MYO3A: variants seen among roughly 807,000 people sequenced by gnomAD.
MYO3A encodes myosin-IIIa.
MYO3A carries 180 observed loss-of-function variants against 192.7 expected under a neutral mutation model. The observed-to-expected ratio is 0.93, with a 90% CI of 0.83 to 1.06. The LOEUF (loss-of-function observed/expected upper bound fraction) is 1.06, where lower values mean the gene tolerates loss of function less well. Ranked by LOEUF, MYO3A falls within the 50% of genes least tolerant of loss-of-function variation. MYO3A has a pLI of 0.00. For missense variants in MYO3A, 1,896 were observed against 1,905.0 expected, an observed-to-expected ratio of 1.00 and a Z score of 0.09; for synonymous variants, 628 against 645.3, an observed-to-expected ratio of 0.97 and a Z score of 0.41.
At chr10:26,176,314 G>GAAAGA (rs1842331495) in intron 30 of MYO3A, among the ~76,000 whole-genome samples, 1 of 151,874 alleles carries the variant, frequency 6.6e-6, no homozygotes, top group African/African-American at 2.4e-5. Context: ...AAAAAGACTG[G>GAAAGA]AAAGAAAAGG....
rs1365441669 is a variant in MYO3A at position 26,137,496 on chromosome 10, G to C, written c.2263-5952G>C. The stretch of plus-strand genomic sequence containing the variant: ...GACCACTGTAATAATTGTGTTGACT[G>C]TACAAATTGATTGTAAAACGTGTGT... On this transcript the variant is annotated intron_variant, in intron 20 of 34. Transcript: ENST00000642920. Among the ~76,000 whole-genome samples, 3 of 152,268 alleles carry C rather than the reference G, an allele frequency of 2.0e-5. No homozygotes were observed. In the South Asian group the frequency reaches 6.2e-4, roughly 32 times the overall value.
intron 17 of MYO3A, among the ~76,000 whole-genome samples, chr10:26,117,303 GA>G (rs1838569467): frequency 6.6e-6 from 1 of 151,954 alleles, no homozygotes; most frequent in African/African-American, 2.4e-5. Context: ...CATCCTTATC[GA>G]GGGTAAAAAA....
chr10:26,017,926 A>G (rs1369433210), intron 7 of MYO3A, among the ~76,000 whole-genome samples: 1 of 150,716 alleles, frequency 6.6e-6, no homozygotes, highest in Non-Finnish European at 1.5e-5. Context: ...TACAAAAATG[A>G]GAAGTTAATA....
intron 6 of MYO3A, among the ~76,000 whole-genome samples, chr10:26,015,208 C>T (rs543944527): frequency 1.3e-5 from 2 of 152,236 alleles, no homozygotes; most frequent in South Asian, 2.1e-4. Context: ...TCTGTTCAGC[C>T]TTGGTCCTTT....
At chr10:26,120,607 C>G in intron 17 of MYO3A, 69 bp from the exon 18 acceptor site, 1 of 1,605,592 alleles carries the variant, frequency 6.2e-7, no homozygotes, top group Non-Finnish European at 8.5e-7. Flanking sequence ...CAGTCTGTCC[C>G]CAGCCATAGT....
At chr10:26,130,174 G>A (rs188978662) in intron 20 of MYO3A, among the ~76,000 whole-genome samples, 169 of 151,708 alleles carry the variant, frequency 1.1e-3, no homozygotes, top group African/African-American at 3.9e-3. Context: ...GGGTGGTGTT[G>A]GCTGACTGCA....
chr10:26,022,530 T>C (rs1022746036), intron 8 of MYO3A: 2 of 152,204 alleles, frequency 1.3e-5, no homozygotes, highest in Non-Finnish European at 2.9e-5. Flanking sequence ...TATCTAGATG[T>C]TCCAAATTAT....
intron 6 of MYO3A, among the ~76,000 whole-genome samples, chr10:25,999,081 A>G (rs979663970): frequency 1.3e-5 from 2 of 151,952 alleles, no homozygotes; most frequent in African/African-American, 4.8e-5. Context: ...GTATTTTTTA[A>G]TAGAGACGGG....
intron 4 of MYO3A, among the ~76,000 whole-genome samples, chr10:25,966,232 G>T (rs1838260464): frequency 6.6e-6 from 1 of 152,108 alleles, no homozygotes; most frequent in Non-Finnish European, 1.5e-5. Context: ...GATGACCTCT[G>T]TCATTTTATT....
chr10:26,054,843 G>T (rs72795846), intron 10 of MYO3A, among the ~76,000 whole-genome samples: 24,752 of 152,220 alleles, frequency 0.16, 2,304 homozygotes, highest in Non-Finnish European at 0.21. Flanking sequence ...CTGATGACAC[G>T]GTGAATTTCC....
intron 4 of MYO3A, among the ~76,000 whole-genome samples, chr10:25,993,300 G>T (rs1840177759): frequency 6.6e-6 from 1 of 152,170 alleles, no homozygotes; most frequent in South Asian, 2.1e-4. Context: ...TTTGCGTAGA[G>T]GTGTTTATAG....
At chr10:26,202,768 T>C (rs2132212504) in intron 33 of MYO3A, 196 bp from the exon 34 acceptor site, 1 of 562,416 alleles carries the variant, frequency 1.8e-6, no homozygotes, top group East Asian at 3.4e-5. Flanking sequence ...CTGTTCAAGG[T>C]AAGATATGAA....
Position 26,173,841 on chromosome 10 carries a change from A to G in MYO3A, c.3577A>G (p.Asn1193Asp). Residue 1193 changes from asparagine to aspartate, a missense_variant, in exon 30 of 35, where the codon AAT becomes GAT. By Grantham distance (23) the Asn-to-Asp change is conservative (BLOSUM62 1). Coordinates refer to ENST00000642920, the MANE Select transcript of MYO3A (RefSeq NM_017433.5). ...AGTGTATCAGACTCCAAAAAAAATGAATAATGTGTATGAGGAAGAGGTTAA... is the reference window on the plus strand; with the variant it reads ...AGTGTATCAGACTCCAAAAAAAATGGATAATGTGTATGAGGAAGAGGTTAA... ...NRVYQTPKKM[N>D]NVYEEEVKQE... The G allele has an allele frequency of 1.2e-6, 2 of 1,614,096 alleles. No individual in the cohort carries two copies. The highest frequency in any genetic ancestry group is 1.7e-6 in the Non-Finnish European group (2 of 1,180,022).
intron 31 of MYO3A, among the ~76,000 whole-genome samples, chr10:26,182,321 C>G (rs1276485102): frequency 6.6e-6 from 1 of 152,200 alleles, no homozygotes; most frequent in Non-Finnish European, 1.5e-5. Context: ...TGCTGCCATG[C>G]TGTCTCAAGC....
chr10:26,066,633 T>C (rs1834864045), intron 10 of MYO3A, among the ~76,000 whole-genome samples: 1 of 152,184 alleles, frequency 6.6e-6, no homozygotes. Context: ...CCAACAAAAT[T>C]AGGAATGTAA....
intron 17 of MYO3A, among the ~76,000 whole-genome samples, chr10:26,115,943 G>C (rs570359810): frequency 1.1e-4 from 16 of 152,106 alleles, no homozygotes; most frequent in Non-Finnish European, 1.5e-5. Flanking sequence ...TATCAAATAA[G>C]TATTTAAATT....
chr10:26,102,438 C>T (rs1837516716), intron 17 of MYO3A, among the ~76,000 whole-genome samples: 1 of 152,210 alleles, frequency 6.6e-6, no homozygotes, highest in African/African-American at 2.4e-5. Context: ...TGTTCCGTTG[C>T]TGGTGAGGAG....
chr10:26,098,630 G>A (rs1343987283), intron 17 of MYO3A, among the ~76,000 whole-genome samples: 2 of 152,262 alleles, frequency 1.3e-5, no homozygotes, highest in Admixed American at 6.5e-5. Flanking sequence ...TTCTACATAT[G>A]GCTAGCCAAT....
intron 10 of MYO3A, among the ~76,000 whole-genome samples, chr10:26,057,622 A>T (rs989426638): frequency 2.6e-5 from 4 of 152,176 alleles, no homozygotes; most frequent in African/African-American, 7.2e-5. Flanking sequence ...AAAATAATTA[A>T]TGAGTAGACT....
Sources: allele counts gnomAD v4.1 joint callset (sites outside exome capture counted in the v4.1 genomes callset), GRCh38; gene constraint gnomAD v4.1.1; transcripts MANE v1.5; gene names NCBI Gene and HGNC (gene_info 2026-07-23, HGNC 2026-07-21).